Variants in BCAR3 observed in about 807,000 individuals in gnomAD.
BCAR3 encodes the protein BCAR3 adaptor protein, NSP family member.
In BCAR3, 37 loss-of-function variants were observed where a neutral mutation model predicts 80.1. The observed-to-expected ratio is 0.46, with a 90% confidence interval of 0.36 to 0.61. The LOEUF (loss-of-function observed/expected upper bound fraction) is 0.61, where lower values mean the gene tolerates loss of function less well. Ranked by LOEUF, BCAR3 falls within the 20% of genes least tolerant of loss-of-function variation. BCAR3 has a pLI of 0.00. For synonymous variants in BCAR3, 389 were observed against 418.9 expected (o/e 0.93, Z 0.87); for missense variants, 978 against 1,068.2 (o/e 0.92, Z 1.18).
At chr1:93,643,841 G>A (rs138796381) in intron 2 of BCAR3, among the ~76,000 whole-genome samples, 2 of 152,228 alleles carry the variant, frequency 1.3e-5, no homozygotes, top group East Asian at 3.9e-4. Flanking sequence ...ATGTTAATTT[G>A]CTTCAACTTT....
chr1:93,768,940 A>G (rs1324369412), intron 2 of BCAR3, among the ~76,000 whole-genome samples: 1 of 152,202 alleles, frequency 6.6e-6, no homozygotes, highest in Non-Finnish European at 1.5e-5. Flanking sequence ...TTTAGTTCAA[A>G]GGTCATCTCT....
At chr1:93,684,778 G>A (rs1648917241), upstream of BCAR3, among the ~76,000 whole-genome samples, 1 of 152,170 alleles carries the variant, frequency 6.6e-6, no homozygotes, top group African/African-American at 2.4e-5. Context: ...TGCCCAGGCT[G>A]GAGTGCAATG....
chr1:93,700,307 C>T lies in BCAR3; in HGVS notation c.-12+5785G>A, dbSNP rs971026266. Among the ~76,000 whole-genome samples, 27 of 152,190 alleles carry T rather than the reference C, an allele frequency of 1.8e-4. 1 individual carries two copies. The highest frequency in any genetic ancestry group is 4.1e-4 in the South Asian group (2 of 4,822). On this transcript the variant is annotated intron_variant, in intron 3 of 13. Coordinates refer to the BCAR3 transcript ENST00000370244. ...TCCTGAGCTCAAGCCATCCTCCCAC[C>T]TCAGCCTCCTGAGTAGCTGGGACCA...
At chr1:93,735,318 T>C (rs1400689345) in intron 2 of BCAR3, among the ~76,000 whole-genome samples, 1 of 152,220 alleles carries the variant, frequency 6.6e-6, no homozygotes, top group East Asian at 1.9e-4. Context: ...TGATTTTCCA[T>C]GTGATTCTCT....
At chr1:93,807,913 T>A (rs1025386476) in intron 2 of BCAR3, among the ~76,000 whole-genome samples, 1 of 151,810 alleles carries the variant, frequency 6.6e-6, no homozygotes. Context: ...TACAGACCTG[T>A]AGTCCCAGCT....
chr1:93,664,831 C>G (rs1647823359), intron 2 of BCAR3, among the ~76,000 whole-genome samples: 1 of 152,188 alleles, frequency 6.6e-6, no homozygotes, highest in Non-Finnish European at 1.5e-5. Context: ...AGGCTTCAGG[C>G]TGTCTAAGCT....
intron 3 of BCAR3, among the ~76,000 whole-genome samples, chr1:93,622,507 A>G (rs1040639572): frequency 1.3e-5 from 2 of 152,184 alleles, no homozygotes; most frequent in African/African-American, 4.8e-5. Flanking sequence ...CAGAGGTCCT[A>G]TTCCGCTCAC....
intron 2 of BCAR3, among the ~76,000 whole-genome samples, chr1:93,769,000 G>A (rs1264997391): frequency 3.9e-5 from 6 of 152,274 alleles, no homozygotes; most frequent in African/African-American, 1.2e-4. Context: ...TCTGAGTGTC[G>A]CCCTTTGTCC....
At chr1:93,846,137 G>C (rs1013245510) in intron 1 of BCAR3, among the ~76,000 whole-genome samples, 1 of 149,274 alleles carries the variant, frequency 6.7e-6, no homozygotes, top group Non-Finnish European at 1.5e-5. Flanking sequence ...CCATAGCTTC[G>C]TCTTGGGGTT....
intron 11 of BCAR3, 96 bp downstream of exon 11, chr1:93,567,183 T>C: frequency 7.1e-7 from 1 of 1,410,068 alleles, no homozygotes; most frequent in Non-Finnish European, 9.8e-7. Context: ...CCTTCCTTTT[T>C]GGTCTTTTTC....
At chr1:93,615,117 T>C (rs1000746245) in intron 3 of BCAR3, among the ~76,000 whole-genome samples, 14 of 151,850 alleles carry the variant, frequency 9.2e-5, no homozygotes, top group Non-Finnish European at 2.9e-5. Context: ...AAATATGGAA[T>C]GTGTCCTGAA....
chr1:93,711,430 G>A (rs910742476), intron 2 of BCAR3, among the ~76,000 whole-genome samples: 17 of 152,190 alleles, frequency 1.1e-4, no homozygotes, highest in Admixed American at 1.3e-4. Context: ...GGGAGTCCAC[G>A]TGGCAGCTAC....
At chr1:93,798,163 TA>T (rs1373073219) in intron 2 of BCAR3, among the ~76,000 whole-genome samples, 2 of 152,196 alleles carry the variant, frequency 1.3e-5, no homozygotes, top group Non-Finnish European at 2.9e-5. Context: ...AGGAAATTGA[TA>T]TCCCAAAGGC....
rs575684764 is a variant in BCAR3 at position 93,650,081 on chromosome 1, T to C, written c.318-7738A>G. On this transcript the variant is annotated intron_variant, in intron 2 of 11. Transcript: ENST00000260502. ...AAAAAAGAAGCCTAGGAGGGTGCGA[T>C]GGCTCACACCTGTAATGTGTGCGAG... 6.6e-5 allele frequency among the ~76,000 whole-genome samples: 10 copies of C among 151,370 alleles called. 1 individual carries two copies. Among genetic ancestry groups the C allele is most frequent in the African/African-American group, 2.4e-4 (10 of 41,290 alleles).
In BCAR3 at chr1:93,592,970, GTCTT is replaced by G. The variant is rs1376716870; in HGVS notation, c.358-581_358-578del. On this transcript the variant is annotated intron_variant, in intron 3 of 11. Coordinates refer to ENST00000260502, the MANE Select transcript of BCAR3 (RefSeq NM_003567.4). This position sits in a 1 kb window ranked among gnomAD's most constrained non-coding sequence, Gnocchi z 4.8. ...CTCTTGAATCTAATAACAGAAGTCT[GTCTT>G]TATTTCACATTTCTAATATTTCATT... Among the ~76,000 whole-genome samples the G allele has an allele frequency of 6.6e-6, 1 of 152,234 alleles. No individual in the cohort carries two copies. Among genetic ancestry groups the G allele is most frequent in the African/African-American group, 2.4e-5 (1 of 41,462 alleles).
chr1:93,668,373 T>A (rs1350314164), intron 2 of BCAR3, among the ~76,000 whole-genome samples: 1 of 152,204 alleles, frequency 6.6e-6, no homozygotes, highest in Non-Finnish European at 1.5e-5. Context: ...CTTCCCACCC[T>A]CTGGGCTTCT....
chr1:93,676,146 TACTCAGGG>T (rs762046927), intron 1 of BCAR3, among the ~76,000 whole-genome samples: 7 of 152,096 alleles, frequency 4.6e-5, no homozygotes, highest in Non-Finnish European at 8.8e-5. Context: ...TCCACTGCAT[TACTCAGGG>T]AAGAGCTTTG....
intron 3 of BCAR3, among the ~76,000 whole-genome samples, chr1:93,598,463 G>A (rs1214763080): frequency 1.3e-5 from 2 of 152,198 alleles, no homozygotes; most frequent in African/African-American, 4.8e-5. Context: ...CTATCCCCAG[G>A]CCTAGGAACT....
chr1:93,785,643 T>C (rs7515209), intron 2 of BCAR3, among the ~76,000 whole-genome samples: 20,539 of 152,204 alleles, frequency 0.13, 2,179 homozygotes, highest in African/African-American at 0.28. Flanking sequence ...CTAGTGAATA[T>C]GCATCATTAA....
Sources: allele counts gnomAD v4.1 joint callset (sites outside exome capture counted in the v4.1 genomes callset), GRCh38; gene constraint gnomAD v4.1.1; non-coding constraint Gnocchi (gnomAD v3.1); transcripts MANE v1.5; gene names NCBI Gene and HGNC (gene_info 2026-07-23, HGNC 2026-07-21).